Variants in GPC6 observed in about 807,000 individuals in gnomAD.
The protein encoded by GPC6 is glypican 6.
Under a neutral mutation model 55.2 loss-of-function variants are expected in GPC6, and 14 were observed. That is an observed-to-expected ratio of 0.25 (90% confidence interval 0.17 to 0.40). The LOEUF is 0.40. GPC6 is among the 10% of genes least tolerant of loss of function. The pLI is 1.00. For synonymous variants in GPC6, 278 were observed against 259.6 expected (o/e 1.07, Z -0.68); for missense variants, 641 against 708.5 (o/e 0.90, Z 1.08).
At chr13:94,062,144 T>A (rs139320503) in intron 4 of GPC6, among the ~76,000 whole-genome samples, 1 of 152,280 alleles carries the variant, frequency 6.6e-6, no homozygotes, top group East Asian at 1.9e-4. Context: ...TTTTTTTTCG[T>A]TTGTTTTGTC....
chr13:93,808,265 A>T (rs548919792), intron 2 of GPC6, among the ~76,000 whole-genome samples: 1 of 152,364 alleles, frequency 6.6e-6, no homozygotes, highest in African/African-American at 2.4e-5. Context: ...CCTATTCTGA[A>T]TATTACACAA....
At chr13:93,653,787 A>G (rs1267668173) in intron 2 of GPC6, among the ~76,000 whole-genome samples, 1 of 152,162 alleles carries the variant, frequency 6.6e-6, no homozygotes, top group Non-Finnish European at 1.5e-5. Context: ...AGGAACCATC[A>G]GAGTATCAGA....
intron 1 of GPC6, among the ~76,000 whole-genome samples, chr13:93,228,631 GAT>G (rs1193340426): frequency 6.6e-6 from 1 of 152,174 alleles, no homozygotes; most frequent in Non-Finnish European, 1.5e-5. Flanking sequence ...GTCGGGGAGA[GAT>G]AATCCTTTGG....
chr13:93,975,475 A>G (rs919741122), intron 3 of GPC6, among the ~76,000 whole-genome samples: 1 of 152,190 alleles, frequency 6.6e-6, no homozygotes, highest in Admixed American at 6.6e-5. Flanking sequence ...AAGTCAACAG[A>G]TGACTACAAA....
chr13:93,413,223 T>TG (rs1303531392), intron 1 of GPC6, among the ~76,000 whole-genome samples: 1 of 152,184 alleles, frequency 6.6e-6, no homozygotes. Context: ...ACACTTATGG[T>TG]GTCTCTAGCA....
chr13:93,497,314 G>A (rs1006311772), intron 1 of GPC6, among the ~76,000 whole-genome samples: 8 of 152,162 alleles, frequency 5.3e-5, no homozygotes, highest in Admixed American at 2.6e-4. Flanking sequence ...TTGTCACCCC[G>A]CTTTATGAAC....
chr13:93,743,824 T>C (rs1043617163), intron 2 of GPC6, among the ~76,000 whole-genome samples: 4 of 152,204 alleles, frequency 2.6e-5, no homozygotes, highest in Admixed American at 6.5e-5. Flanking sequence ...TCCCTTGCTT[T>C]CATTGGTATT....
At chr13:93,450,691 G>A in intron 1 of GPC6, 2 of 957,656 alleles carry the variant, frequency 2.1e-6, no homozygotes, top group Non-Finnish European at 2.5e-6. Flanking sequence ...GAAGCTGCTA[G>A]GAGCTCCAAC....
intron 1 of GPC6, among the ~76,000 whole-genome samples, chr13:93,274,840 C>T (rs1594066778): frequency 6.6e-6 from 1 of 152,228 alleles, no homozygotes; most frequent in East Asian, 1.9e-4. Flanking sequence ...ACATCAAATT[C>T]TAATTTTGAT....
intron 1 of GPC6, among the ~76,000 whole-genome samples, chr13:93,498,638 A>G (rs1478074912): frequency 6.6e-6 from 1 of 152,068 alleles, no homozygotes; most frequent in Non-Finnish European, 1.5e-5. Context: ...CTGCCATGTA[A>G]GAGGTACTTT....
intron 4 of GPC6, among the ~76,000 whole-genome samples, chr13:94,245,689 C>G (rs1891175636): frequency 6.6e-6 from 1 of 151,998 alleles, no homozygotes; most frequent in South Asian, 2.1e-4. Context: ...ATGGCAAGAT[C>G]TCCTTTTTTA....
At chr13:93,952,323 G>T (rs915532804) in intron 3 of GPC6, among the ~76,000 whole-genome samples, 1 of 152,068 alleles carries the variant, frequency 6.6e-6, no homozygotes, top group Non-Finnish European at 1.5e-5. Flanking sequence ...AATCTTTAGG[G>T]AACATATTAC....
chr13:94,206,709 C>G (rs1448764954), intron 4 of GPC6, among the ~76,000 whole-genome samples: 1 of 151,984 alleles, frequency 6.6e-6, no homozygotes, highest in Non-Finnish European at 1.5e-5. Flanking sequence ...GAAATATTAG[C>G]TGGGTGTAGT....
chr13:94,074,680 T>C (rs780247134), intron 4 of GPC6, among the ~76,000 whole-genome samples: 38 of 152,218 alleles, frequency 2.5e-4, no homozygotes, highest in Non-Finnish European at 4.6e-4. Flanking sequence ...CAACACCAGC[T>C]GCCTCCCTAA....
intron 2 of GPC6, among the ~76,000 whole-genome samples, chr13:93,725,768 T>A (rs1305278423): frequency 6.6e-6 from 1 of 151,946 alleles, no homozygotes; most frequent in Non-Finnish European, 1.5e-5. Flanking sequence ...AACTAGCCAT[T>A]TGTAAAATAC....
intron 4 of GPC6, among the ~76,000 whole-genome samples, chr13:94,043,251 C>T (rs1382856456): frequency 6.6e-6 from 1 of 151,752 alleles, no homozygotes; most frequent in African/African-American, 2.4e-5. Flanking sequence ...GTGCTCGATG[C>T]TACTGGAGGG....
intron 4 of GPC6, among the ~76,000 whole-genome samples, chr13:94,276,844 G>T (rs927801499): frequency 2.6e-5 from 4 of 152,152 alleles, no homozygotes; most frequent in Non-Finnish European, 4.4e-5. Context: ...TATCACTGAT[G>T]GGCATTTGGG....
chr13:93,562,438 A>T (rs1875863330), intron 2 of GPC6, among the ~76,000 whole-genome samples: 1 of 152,186 alleles, frequency 6.6e-6, no homozygotes, highest in East Asian at 1.9e-4. Flanking sequence ...AGACAACTAG[A>T]TCTTAACTTC....
intron 1 of GPC6, among the ~76,000 whole-genome samples, chr13:93,475,311 T>C (rs1231658142): frequency 2.0e-5 from 3 of 152,238 alleles, no homozygotes; most frequent in Non-Finnish European, 4.4e-5. Flanking sequence ...TTATAGACTA[T>C]TCCAAATTAT....
Sources: allele counts gnomAD v4.1 joint callset (sites outside exome capture counted in the v4.1 genomes callset), GRCh38; gene constraint gnomAD v4.1.1; transcripts MANE v1.5; gene names NCBI Gene and HGNC (gene_info 2026-07-23, HGNC 2026-07-21).